Variants in SLC22A25 observed in about 807,000 individuals in gnomAD.
SLC22A25 encodes solute carrier family 22 member 25, also known as MGI:2442751, MGI:2385316, MGI:3042283, MGI:3645714, MGI:3605624, MGI:2442750.
In SLC22A25, 44 loss-of-function variants were observed where a neutral mutation model predicts 45.9. That is an observed-to-expected ratio of 0.96 (90% CI 0.75 to 1.23). The LOEUF (loss-of-function observed/expected upper bound fraction) is 1.23. SLC22A25 is among the 50% of genes most tolerant of loss of function. The pLI is 0.00. For synonymous variants in SLC22A25, 283 were observed against 238.6 expected, an observed-to-expected ratio of 1.19 and a Z score of -1.72; for missense variants, 800 against 666.4, an observed-to-expected ratio of 1.20 and a Z score of -2.21.
intron 9 of SLC22A25, among the ~76,000 whole-genome samples, chr11:63,172,339 A>G (rs1245894477): frequency 6.6e-6 from 1 of 152,174 alleles, no homozygotes; most frequent in Non-Finnish European, 1.5e-5. Flanking sequence ...AAAAGAAACT[A>G]TCATCAGAGT....
At chr11:63,177,216 A>C (rs1449123889) in intron 9 of SLC22A25, among the ~76,000 whole-genome samples, 1 of 151,922 alleles carries the variant, frequency 6.6e-6, no homozygotes, top group Non-Finnish European at 1.5e-5. Flanking sequence ...GAATTTTTTA[A>C]ATTTTTAATG....
chr11:63,232,139 C>G (rs573358236), intron 3 of SLC22A25, among the ~76,000 whole-genome samples: 9 of 152,156 alleles, frequency 5.9e-5, no homozygotes, highest in South Asian at 4.1e-4. Context: ...TCCATATGAA[C>G]TTTAAAGTAG....
Position 63,238,923 on chromosome 11 carries a change from C to T in SLC22A25, c.-783G>A, listed in dbSNP as rs2090205581. The T allele has an allele frequency of 4.7e-6, 1 of 211,396 alleles. No homozygotes were observed. The highest frequency in any genetic ancestry group is 1.1e-5 in the Non-Finnish European group (1 of 95,160). 13.1% of individuals were successfully genotyped at this position (211,396 alleles called of 1,614,324 possible). On this transcript the variant is annotated 5_prime_UTR_variant, in exon 2 of 12. An upstream open reading frame in the 5' UTR loses its in-frame stop. Transcript: ENST00000306494. ...TCAGGAGGGCATCTTGGCTGAGGAT[C>T]ACAGTTTCTTCGTCCAAGACGATGA...
intron 1 of SLC22A25, among the ~76,000 whole-genome samples, chr11:63,240,953 A>AACTT (rs1244326888): frequency 1.3e-5 from 2 of 152,236 alleles, no homozygotes; most frequent in African/African-American, 4.8e-5. Context: ...CAATTCTACT[A>AACTT]ACTTACACAA....
chr11:63,193,888 C>G (rs113389941), intron 7 of SLC22A25, among the ~76,000 whole-genome samples: 5,503 of 152,210 alleles, frequency 0.036, 334 homozygotes, highest in African/African-American at 0.13. Flanking sequence ...GATGTTCAAA[C>G]CCATTGCAAG....
intron 3 of SLC22A25, among the ~76,000 whole-genome samples, chr11:63,231,640 T>A (rs1186536224): frequency 5.9e-5 from 9 of 152,196 alleles, no homozygotes; most frequent in Admixed American, 5.9e-4. Context: ...GTGCACAAGC[T>A]CTCTCATTTA....
At chr11:63,220,873 G>A (rs542669040) in intron 5 of SLC22A25, among the ~76,000 whole-genome samples, 1 of 152,230 alleles carries the variant, frequency 6.6e-6, no homozygotes, top group East Asian at 1.9e-4. Context: ...GAGAACATGT[G>A]AAGTTTGTCT....
intron 9 of SLC22A25, among the ~76,000 whole-genome samples, chr11:63,176,065 TC>T (rs2134724489): frequency 6.6e-6 from 1 of 152,154 alleles, no homozygotes; most frequent in South Asian, 2.1e-4. Flanking sequence ...TCCATTCTGT[TC>T]CATTGGTCTA....
rs199548408 is a variant in SLC22A25, at chr11:63,228,484, G to T, written c.483C>A (p.Asn161Lys). 6 of 1,613,258 alleles carry T rather than the reference G, an allele frequency of 3.7e-6. No individual in the cohort carries two copies. The highest frequency in any genetic ancestry group is 3.3e-5 in the Admixed American group (2 of 59,944). The change falls in exon 5 of 12, where the codon AAC (asparagine) becomes AAA (lysine). Residue 161 changes from asparagine to lysine, a missense_variant. Transcript: ENST00000306494. ...LFMAGMMVGG[N>K]LYGHLSDRFG... Reference sequence around the variant, plus strand: ...ACCTGTCTGACAAATGGCCATATAGGTTGCCTCCCACCATCATTCCAGCCA... The same window carrying T: ...ACCTGTCTGACAAATGGCCATATAGTTTGCCTCCCACCATCATTCCAGCCA...
At chr11:63,190,355 C>T (rs996224688) in intron 7 of SLC22A25, among the ~76,000 whole-genome samples, 17 of 152,076 alleles carry the variant, frequency 1.1e-4, no homozygotes, top group Admixed American at 1.3e-4. Context: ...GAGGCTTGTG[C>T]ATTCATCATG....
chr11:63,178,072 T>G (rs1287273556), intron 9 of SLC22A25, among the ~76,000 whole-genome samples: 1 of 151,620 alleles, frequency 6.6e-6, no homozygotes, highest in Non-Finnish European at 1.5e-5. Context: ...TTTTTTTTTT[T>G]GCAGAGTCAG....
chr11:63,209,396 C>G (rs904096227), intron 7 of SLC22A25, among the ~76,000 whole-genome samples: 1 of 152,106 alleles, frequency 6.6e-6, no homozygotes, highest in Non-Finnish European at 1.5e-5. Flanking sequence ...AATGTCGGCC[C>G]CCATATGTGC....
intron 7 of SLC22A25, among the ~76,000 whole-genome samples, chr11:63,193,839 A>T (rs1295259548): frequency 6.6e-6 from 1 of 152,258 alleles, no homozygotes; most frequent in South Asian, 2.1e-4. Flanking sequence ...AGTAGGCTTC[A>T]GAAGATCGGT....
chr11:63,166,153 G>C lies in SLC22A25; in HGVS notation c.1176C>G (p.Ala392=). The part of the protein sequence containing the change: ...QTLFGAVTLL[A]NCVAPWALNH... ...TCAGTGCCCAAGGTGCAACACAATT[G>C]GCCAGGAGGGTGACTGCACCAAAGA... Residue 392 remains alanine (A), a synonymous_variant, in exon 10 of 12, where the codon GCC becomes GCG. Coordinates refer to ENST00000306494, the MANE Select transcript of SLC22A25 (RefSeq NM_199352.6). The C allele has an allele frequency of 5.6e-6, 9 of 1,614,002 alleles. No homozygotes were observed. The highest frequency in any genetic ancestry group is 7.6e-6 in the Non-Finnish European group (9 of 1,179,966).
In SLC22A25 at chr11:63,217,501, A is replaced by T. The variant is rs747817612; in HGVS notation, c.662-19T>A. The T allele has an allele frequency of 1.9e-6, 3 of 1,612,520 alleles. No individual in the cohort carries two copies. In the Admixed American group the frequency reaches 5.0e-5, roughly 27 times the overall value. On this transcript the variant is annotated intron_variant, in intron 6 of 11. Transcript: ENST00000306494. ...TCTACAACTGAAAGAAAACACAAACAAGATTTAGCTTTAAATACAGGTGGA... is the reference window on the plus strand; with the variant it reads ...TCTACAACTGAAAGAAAACACAAACTAGATTTAGCTTTAAATACAGGTGGA...
chr11:63,186,366 C>T (rs1309084596), intron 7 of SLC22A25, among the ~76,000 whole-genome samples: 1 of 151,250 alleles, frequency 6.6e-6, no homozygotes, highest in East Asian at 1.9e-4. Flanking sequence ...CTGTTCATAT[C>T]CTTTGCCCAC....
intron 5 of SLC22A25, among the ~76,000 whole-genome samples, chr11:63,224,738 T>C (rs2089922267): frequency 6.6e-6 from 1 of 152,260 alleles, no homozygotes; most frequent in Admixed American, 6.5e-5. Context: ...CTGCATACTT[T>C]ACCTCGATCT....
intron 7 of SLC22A25, 94 bp from the exon 8 acceptor site, chr11:63,183,911 A>AGG (rs2088423444): frequency 2.6e-6 from 4 of 1,534,492 alleles, no homozygotes; most frequent in Non-Finnish European, 3.6e-6. Flanking sequence ...CTCTAAGCTA[A>AGG]TACCCACCTC....
intron 7 of SLC22A25, among the ~76,000 whole-genome samples, chr11:63,207,722 C>T (rs368460405): frequency 1.8e-4 from 27 of 152,178 alleles, no homozygotes; most frequent in Non-Finnish European, 3.8e-4. Flanking sequence ...CCTTATCTCT[C>T]CTTCTTTCCT....
Sources: gnomAD v4.1 joint callset for allele counts (sites outside exome capture counted in the v4.1 genomes callset) on GRCh38, gnomAD v4.1.1 for gene constraint, MANE v1.5 for transcripts, NCBI Gene and HGNC (gene_info 2026-07-23, HGNC 2026-07-21) for gene names.